The following FDFT1 variants were observed in gnomAD, a reference collection of about 807,000 sequenced individuals.
The protein encoded by FDFT1 is farnesyl-diphosphate farnesyltransferase 1, also known as squalene synthase.
Under a neutral mutation model 46.8 loss-of-function variants are expected in FDFT1, and 68 were observed. The ratio of observed to expected loss-of-function variants is 1.45; its 90% CI spans 1.19 to 1.78. FDFT1 has a LOEUF of 1.78. Among genes scored for constraint, FDFT1 ranks in the 40% most tolerant of loss-of-function variants. The pLI is 0.00. For missense variants in FDFT1, 928 were observed against 524.4 expected (o/e 1.77, Z -7.52); for synonymous variants, 351 against 185.1 (o/e 1.90, Z -7.28).
chr8:11,815,627 A>T (rs1348056433), intron 3 of FDFT1, among the ~76,000 whole-genome samples: 8 of 152,160 alleles, frequency 5.3e-5, no homozygotes, highest in African/African-American at 1.9e-4. Context: ...ACCAGTGGTG[A>T]TGAGCATTTC....
At chr8:11,819,261 C>G (rs529288515) in intron 3 of FDFT1, among the ~76,000 whole-genome samples, 25 of 152,320 alleles carry the variant, frequency 1.6e-4, no homozygotes, top group Middle Eastern at 6.8e-3. Context: ...CCCGACCTTT[C>G]TCTCTGGCAG....
intron 2 of FDFT1, 148 bp downstream of exon 2, chr8:11,809,039 C>G (rs1807328946): frequency 7.3e-7 from 1 of 1,363,340 alleles, no homozygotes; most frequent in Admixed American, 2.4e-5. Flanking sequence ...TACGTGTTTA[C>G]TTTAGAAAGC....
chr8:11,826,001 G>C, intron 4 of FDFT1, 23 bp from the exon 5 acceptor site: 1 of 1,495,660 alleles, frequency 6.7e-7, no homozygotes, highest in South Asian at 1.3e-5. Flanking sequence ...TTATTAAAGT[G>C]CTTTAAAAAT....
chr8:11,815,693 C>G (rs781606163), intron 3 of FDFT1, among the ~76,000 whole-genome samples: 7 of 152,122 alleles, frequency 4.6e-5, no homozygotes, highest in Non-Finnish European at 8.8e-5. Flanking sequence ...CTGTTCATAT[C>G]CTTTGCCCAC....
At chr8:11,828,573 T>G (rs1810333414) in intron 5 of FDFT1, among the ~76,000 whole-genome samples, 2 of 152,236 alleles carry the variant, frequency 1.3e-5, no homozygotes, top group South Asian at 4.1e-4. Context: ...CACGGGCATG[T>G]GATGCATGAG....
intron 1 of FDFT1, among the ~76,000 whole-genome samples, chr8:11,796,660 C>G (rs1397988326): frequency 6.6e-6 from 1 of 152,164 alleles, no homozygotes; most frequent in Non-Finnish European, 1.5e-5. Flanking sequence ...AGGTAGGTGT[C>G]TTCAGTGATT....
chr8:11,824,163 A>G (rs1382341705), intron 4 of FDFT1, among the ~76,000 whole-genome samples: 1 of 152,098 alleles, frequency 6.6e-6, no homozygotes, highest in Non-Finnish European at 1.5e-5. Context: ...GTCATTTCCT[A>G]ACTTTTACCC....
chr8:11,834,535 G>C (rs1013463794), intron 7 of FDFT1, among the ~76,000 whole-genome samples: 1 of 152,166 alleles, frequency 6.6e-6, no homozygotes, highest in Non-Finnish European at 1.5e-5. Context: ...ATGGTCCCCA[G>C]CCAGCAGCTG....
upstream of FDFT1, among the ~76,000 whole-genome samples, chr8:11,801,080 G>C (rs562526283): frequency 6.6e-6 from 1 of 152,256 alleles, no homozygotes; most frequent in South Asian, 2.1e-4. Flanking sequence ...GGTGGGTCTA[G>C]ATGAGGTGTG....
At chr8:11,835,733 G>A (rs1216652953) in intron 7 of FDFT1, among the ~76,000 whole-genome samples, 2 of 152,140 alleles carry the variant, frequency 1.3e-5, no homozygotes, top group Non-Finnish European at 2.9e-5. Context: ...AGGAGCCACA[G>A]AATTAACCCA....
At chr8:11,813,205 T>A (rs940742487) in intron 3 of FDFT1, among the ~76,000 whole-genome samples, 6 of 152,198 alleles carry the variant, frequency 3.9e-5, no homozygotes, top group African/African-American at 1.4e-4. Context: ...GACTGAAACA[T>A]CATTATACAG....
At chr8:11,825,940 G>A (rs78210988) in intron 4 of FDFT1, 84 bp from the exon 5 acceptor site, 4 of 917,110 alleles carry the variant, frequency 4.4e-6, no homozygotes, top group Non-Finnish European at 4.7e-6. Context: ...TTTTGAACCT[G>A]CTTTTTTGTA....
chr8:11,839,144 G>A lies in FDFT1; in HGVS notation c.*535G>A, dbSNP rs1811980538. ...AAACTGCCTTTTCCACACAAAGGCT[G>A]GGAATAAAATTCTGGGTATTCTCGT... is the stretch of plus-strand genomic sequence containing the variant. On this transcript the variant is annotated 3_prime_UTR_variant, in exon 8 of 8. Transcript: ENST00000220584. 2 of 154,590 alleles carry A rather than the reference G, an allele frequency of 1.3e-5. No homozygotes were observed. The highest frequency in any genetic ancestry group is 2.9e-5 in the Non-Finnish European group (2 of 69,372). The allele number at this position is 154,590 out of a possible 1,614,324, so 9.6% of individuals were successfully genotyped here.
intron 7 of FDFT1, 37 bp downstream of exon 7, chr8:11,831,707 T>G (rs755847041): frequency 1.3e-6 from 2 of 1,543,622 alleles, no homozygotes; most frequent in South Asian, 2.2e-5. Flanking sequence ...AATTTGTAGC[T>G]ACTTTTATGA....
chr8:11,838,613 C>T lies in FDFT1; in HGVS notation c.*4C>T, dbSNP rs757575333. 2 of 1,604,228 alleles carry T rather than the reference C, an allele frequency of 1.2e-6. No individual in the cohort carries two copies. The highest frequency in any genetic ancestry group is 2.2e-5 in the East Asian group (1 of 44,856). Reference sequence around the variant, plus strand: ...TGTTCAGACTGGAGAACACTGATCCCAAATTTGTCCATAGCTGAAGTCCAC... The same window carrying T: ...TGTTCAGACTGGAGAACACTGATCCTAAATTTGTCCATAGCTGAAGTCCAC... On this transcript the variant is annotated 3_prime_UTR_variant, in exon 8 of 8. Coordinates refer to ENST00000220584, the MANE Select transcript of FDFT1 (RefSeq NM_004462.5).
chr8:11,803,623 C>T (rs1000397871), intron 1 of FDFT1: 39 of 522,886 alleles, frequency 7.5e-5, no homozygotes, highest in African/African-American at 6.1e-4. Flanking sequence ...ATTATTCGTA[C>T]GCGATTATTG....
chr8:11,797,594 C>T (rs1805688372), upstream of FDFT1, among the ~76,000 whole-genome samples: 1 of 135,218 alleles, frequency 7.4e-6, no homozygotes, highest in Non-Finnish European at 1.5e-5. Context: ...GGAGTTTGAG[C>T]CAGCCTGGAC....
chr8:11,805,558 C>T (rs182756654), intron 1 of FDFT1, among the ~76,000 whole-genome samples: 2 of 152,174 alleles, frequency 1.3e-5, no homozygotes, highest in South Asian at 2.1e-4. Context: ...GTAACTTAAC[C>T]TCTGAACCAC....
intron 3 of FDFT1, among the ~76,000 whole-genome samples, chr8:11,819,418 T>A (rs1808914660): frequency 6.6e-6 from 1 of 152,202 alleles, no homozygotes; most frequent in Admixed American, 6.5e-5. Context: ...GGGGAAGTTC[T>A]CCTGGATAAT....
Sources: allele counts gnomAD v4.1 joint callset (sites outside exome capture counted in the v4.1 genomes callset), GRCh38; gene constraint gnomAD v4.1.1; transcripts MANE v1.5; gene names NCBI Gene and HGNC (gene_info 2026-07-23, HGNC 2026-07-21).